The following ABCB11 variants were observed in gnomAD, a reference collection of about 807,000 sequenced individuals.
ABCB11 encodes bile salt export pump.
ABCB11 carries 95 observed loss-of-function variants against 148.0 expected under a neutral mutation model. The ratio of observed to expected loss-of-function variants is 0.64; its 90% CI spans 0.54 to 0.76. ABCB11 has a LOEUF of 0.76. ABCB11 is among the 30% of genes least tolerant of loss of function. The probability of loss-of-function intolerance (pLI) is 0.00; values close to 1 mark genes in which losing one functional copy is unlikely to be tolerated. For synonymous variants in ABCB11, 591 were observed against 555.4 expected (o/e 1.06, Z -0.90); for missense variants, 1,523 against 1,617.8 (o/e 0.94, Z 1.01).
Position 168,944,895 on chromosome 2 carries a change from C to T in ABCB11, c.2410G>A (p.Ala804Thr). The T allele has an allele frequency of 6.3e-7, 1 of 1,579,458 alleles. No individual in the cohort carries two copies. Among genetic ancestry groups the T allele is most frequent in the Non-Finnish European group, 8.6e-7 (1 of 1,160,982 alleles). The change falls in exon 20 of 28, where the codon GCA (alanine) becomes ACA (threonine). Residue 804 changes from alanine to threonine, a missense_variant. Coordinates refer to ENST00000650372, the MANE Select transcript of ABCB11 (RefSeq NM_003742.4). Reference sequence around the variant, plus strand: ...GTGAAAAGAGATACACAGCCCATTGCTACAAAAAGTAGGCACACACCATTG... The same window carrying T: ...GTGAAAAGAGATACACAGCCCATTGTTACAAAAAGTAGGCACACACCATTG... ...QINGVCLLFV[A>T]MGCVSLFTQF...
At chr2:169,026,802 G>A (rs1443899731) in intron 1 of ABCB11, among the ~76,000 whole-genome samples, 3 of 152,230 alleles carry the variant, frequency 2.0e-5, no homozygotes, top group East Asian at 3.9e-4. Context: ...CTAGTTTTTG[G>A]TGATAAACAT....
rs1226299191 is a variant in ABCB11 at position 168,973,820 on chromosome 2, C to T, written c.1329G>A (p.Met443Ile). The change falls in exon 13 of 28, where the codon ATG (methionine) becomes ATA (isoleucine). Residue 443 changes from methionine (M) to isoleucine (I), a missense_variant. Physicochemically the swap from Met to Ile is conservative, Grantham distance 10 (BLOSUM62 1). Transcript: ENST00000650372. ...CTGTCATTTCCCCTGGTTTAATGAC[C>T]ATGTTGAGGTCATTTAGAATCTGGA... Reference protein sequence around the residue: ...PEVKILNDLNMVIKPGEMTAL... With the variant: ...PEVKILNDLNIVIKPGEMTAL... 6.2e-7 allele frequency: 1 copy of T among 1,611,542 alleles called. No homozygotes were observed. The highest frequency in any genetic ancestry group is 1.3e-5 in the African/African-American group (1 of 74,848).
chr2:168,986,903 C>T (rs115399358), intron 9 of ABCB11, among the ~76,000 whole-genome samples: 4,607 of 152,236 alleles, frequency 0.03, 106 homozygotes, highest in African/African-American at 0.063. Context: ...ATATATAGCT[C>T]AGGCATTCTG....
Position 168,927,371 on chromosome 2 carries a change from AGAG to A in ABCB11, c.3412-12_3412-10del. ...TCATGACCATCTATCATCTGCCAAT[AGAG>A]GAGATGACAGGTCATTAGGTTTTTA... On this transcript the variant is annotated splice_polypyrimidine_tract_variant and intron_variant, in intron 25 of 27. Transcript: ENST00000650372. 6.2e-7 allele frequency: 1 copy of A among 1,607,708 alleles called. No homozygotes were observed. Among genetic ancestry groups the A allele is most frequent in the African/African-American group, 1.3e-5 (1 of 74,944 alleles).
intron 4 of ABCB11, 63 bp downstream of exon 4, chr2:169,014,240 C>G: frequency 9.4e-6 from 14 of 1,487,662 alleles, no homozygotes; most frequent in Non-Finnish European, 1.3e-5. Flanking sequence ...TTAACACTCC[C>G]CTCATGATCT....
At chr2:168,965,021 A>G (rs1693238571) in intron 17 of ABCB11, among the ~76,000 whole-genome samples, 1 of 151,856 alleles carries the variant, frequency 6.6e-6, no homozygotes, top group South Asian at 2.1e-4. Context: ...ACCACACCCT[A>G]AGGTAAAGAA....
intron 7 of ABCB11, among the ~76,000 whole-genome samples, 159 bp downstream of exon 7, chr2:168,995,190 T>C (rs1006352889): frequency 6.6e-5 from 10 of 152,068 alleles, no homozygotes; most frequent in African/African-American, 9.7e-5. Context: ...TATTTGACAG[T>C]GTATTACTTA....
intron 19 of ABCB11, among the ~76,000 whole-genome samples, chr2:168,948,500 G>GGT (rs1553550970): frequency 3.3e-5 from 5 of 150,092 alleles, no homozygotes; most frequent in African/African-American, 9.8e-5. Context: ...TGATGAGTGG[G>GGT]TTTTTTTTTG....
intron 6 of ABCB11, among the ~76,000 whole-genome samples, chr2:168,996,429 A>G (rs1694715143): frequency 6.6e-6 from 1 of 151,986 alleles, no homozygotes; most frequent in South Asian, 2.1e-4. Flanking sequence ...CTACGAGTCT[A>G]TTATGCATCT....
intron 9 of ABCB11, among the ~76,000 whole-genome samples, chr2:168,988,272 C>T (rs1056398450): frequency 6.6e-6 from 1 of 152,062 alleles, no homozygotes; most frequent in African/African-American, 2.4e-5. Flanking sequence ...CAGTTCTCGC[C>T]TGCCCCCTCC....
chr2:168,970,080 C>G lies in ABCB11; in HGVS notation c.1774G>C (p.Glu592Gln), dbSNP rs11568370. The change falls in exon 15 of 28, where the codon GAG becomes CAG. Residue 592 changes from glutamate (E) to glutamine (Q), a missense_variant. Transcript: ENST00000650372. ...LDMATSALDN[E>Q]SEAMVQEVLS... ...ACTTCTTGCACCATGGCTTCACTCT[C>G]ATTGTCCAGAGCTGAGGTGGCCATG... The G allele has an allele frequency of 1.9e-4, 302 of 1,612,666 alleles. No individual in the cohort carries two copies. Among genetic ancestry groups the G allele is most frequent in the Non-Finnish European group, 2.4e-4 (285 of 1,179,164 alleles).
intron 1 of ABCB11, among the ~76,000 whole-genome samples, chr2:169,029,962 G>A (rs564168354): frequency 1.6e-5 from 2 of 122,044 alleles, no homozygotes; most frequent in East Asian, 6.0e-4. Flanking sequence ...GGATGGTCTC[G>A]ATCTCTTGAC....
intron 5 of ABCB11, among the ~76,000 whole-genome samples, chr2:169,000,011 G>T (rs899026778): frequency 6.6e-6 from 1 of 151,950 alleles, no homozygotes; most frequent in African/African-American, 2.4e-5. Context: ...TTTAATTTTA[G>T]CCATTCCAAT....
At chr2:168,915,556 G>A (rs553124067) in exon 3 of ABCB11, among the ~76,000 whole-genome samples, 70 of 152,210 alleles carry the variant, frequency 4.6e-4, no homozygotes, top group Non-Finnish European at 7.6e-4. Flanking sequence ...TCTGTAACAA[G>A]ATGGGTGAAG....
chr2:168,973,689 T>C, intron 13 of ABCB11, 26 bp downstream of exon 13: 9 of 1,609,956 alleles, frequency 5.6e-6, no homozygotes, highest in Non-Finnish European at 6.8e-6. Context: ...TCCCCATGTA[T>C]TGAGGAGTTT....
At chr2:168,998,257 C>T (rs960783448) in intron 5 of ABCB11, among the ~76,000 whole-genome samples, 5 of 151,906 alleles carry the variant, frequency 3.3e-5, no homozygotes, top group Non-Finnish European at 7.4e-5. Flanking sequence ...TTTGTCCAAA[C>T]ATTTTACTTA....
chr2:168,985,762 A>G lies in ABCB11; in HGVS notation c.1083+348T>C, dbSNP rs375705580. 1.4e-4 allele frequency among the ~76,000 whole-genome samples: 22 copies of G among 152,158 alleles called. No homozygotes were observed. In the East Asian group the frequency reaches 3.3e-3, roughly 23 times the overall value. On this transcript the variant is annotated intron_variant, in intron 10 of 27. Coordinates refer to ENST00000650372, the MANE Select transcript of ABCB11 (RefSeq NM_003742.4). ...AGCTATGAGGATGCAAAGGCATAAG[A>G]ATGATACAATGGACTTTGGGGACTC... is the stretch of plus-strand genomic sequence containing the variant.
At chr2:168,952,756 G>T (rs965760995) in intron 19 of ABCB11, among the ~76,000 whole-genome samples, 15 of 147,978 alleles carry the variant, frequency 1.0e-4, no homozygotes, top group Admixed American at 6.8e-5. Flanking sequence ...CTAACTTTGG[G>T]TTTGGTTTGT....
chr2:168,957,644 T>C (rs1692857351), intron 19 of ABCB11, among the ~76,000 whole-genome samples: 1 of 151,730 alleles, frequency 6.6e-6, no homozygotes, highest in East Asian at 2.0e-4. Flanking sequence ...ATTCAGTGAA[T>C]CCACTTTGCA....
Sources: allele counts gnomAD v4.1 joint callset (sites outside exome capture counted in the v4.1 genomes callset), GRCh38; gene constraint gnomAD v4.1.1; transcripts MANE v1.5; gene names NCBI Gene and HGNC (gene_info 2026-07-23, HGNC 2026-07-21).